The following UBE2E1 variants were observed in gnomAD, a reference collection of about 807,000 sequenced individuals.
UBE2E1 encodes the protein ubiquitin-conjugating enzyme E2 E1.
A neutral mutation model predicts 21.4 loss-of-function variants in UBE2E1; 6 were observed. The observed-to-expected ratio is 0.28, with a 90% CI of 0.15 to 0.55. The LOEUF (loss-of-function observed/expected upper bound fraction) is 0.55, where lower values mean the gene tolerates loss of function less well. Ranked by LOEUF, UBE2E1 falls within the 20% of genes least tolerant of loss-of-function variation. The pLI is 0.93. For missense variants in UBE2E1, 142 were observed against 236.5 expected (o/e 0.60, Z 2.62); for synonymous variants, 87 against 82.7 (o/e 1.05, Z -0.28).
intron 3 of UBE2E1, among the ~76,000 whole-genome samples, chr3:23,825,588 T>A (rs1699741286): frequency 6.6e-6 from 1 of 151,864 alleles, no homozygotes; most frequent in Non-Finnish European, 1.5e-5. Flanking sequence ...GCTTGGTGAG[T>A]GACTGCGCAG....
chr3:23,830,480 A>G (rs887689416), intron 3 of UBE2E1, among the ~76,000 whole-genome samples: 3 of 152,154 alleles, frequency 2.0e-5, no homozygotes, highest in African/African-American at 2.4e-5. Flanking sequence ...CCAAAAATGC[A>G]TAAAAATCTT....
chr3:23,881,487 G>A (rs1701039366), intron 3 of UBE2E1, among the ~76,000 whole-genome samples: 1 of 152,138 alleles, frequency 6.6e-6, no homozygotes, highest in Admixed American at 6.5e-5. Flanking sequence ...AAATTTCAAT[G>A]TCTTCAAACA....
chr3:23,859,207 C>A (rs763976846), intron 3 of UBE2E1, among the ~76,000 whole-genome samples: 1 of 152,174 alleles, frequency 6.6e-6, no homozygotes, highest in Non-Finnish European at 1.5e-5. Flanking sequence ...CTGCTCTGCC[C>A]GTGGAAGCTG....
chr3:23,824,235 G>T (rs1255004217), intron 3 of UBE2E1, among the ~76,000 whole-genome samples: 1 of 152,132 alleles, frequency 6.6e-6, no homozygotes, highest in East Asian at 1.9e-4. Context: ...AGATCTTGGA[G>T]CCCAGACTTA....
Position 23,810,721 on chromosome 3 carries a change from C to T in UBE2E1, c.153-739C>T, listed in dbSNP as rs1699370046. ...CCGGGAGAGGAGAGCTGGGGCGGCGCGGAGCAGCCCCCGTGCGGGCACCCT... is the reference window on the plus strand; with the variant it reads ...CCGGGAGAGGAGAGCTGGGGCGGCGTGGAGCAGCCCCCGTGCGGGCACCCT... On this transcript the variant is annotated intron_variant, in intron 2 of 5. Coordinates refer to ENST00000306627, the MANE Select transcript of UBE2E1 (RefSeq NM_003341.5). This position sits in a 1 kb window ranked among gnomAD's most constrained non-coding sequence, Gnocchi z 5.8. 13 of 455,822 alleles carry T rather than the reference C, an allele frequency of 2.9e-5. No homozygotes were observed. The South Asian group carries it at 3.9e-4, about 14-fold the overall frequency. 28.2% of individuals were successfully genotyped at this position (455,822 alleles called of 1,614,324 possible).
Position 23,823,013 on chromosome 3 carries a change from A to ATT in UBE2E1, c.203+11507_203+11508dup, listed in dbSNP as rs1699678587. Among the ~76,000 whole-genome samples the ATT allele has an allele frequency of 6.6e-6, 1 of 151,886 alleles. No individual in the cohort carries two copies. Among genetic ancestry groups the ATT allele is most frequent in the Non-Finnish European group, 1.5e-5 (1 of 67,960 alleles). On this transcript the variant is annotated intron_variant, in intron 3 of 5. Coordinates refer to ENST00000306627, the MANE Select transcript of UBE2E1 (RefSeq NM_003341.5). The surrounding 1 kb of genome is among the most constrained non-coding windows in gnomAD (Gnocchi z 4.2). ...AGGCATGTGCCACCACGCCCAGCTAATTTTTGTATTTTTAGTGGAGATGGG... is the reference window on the plus strand; with the variant it reads ...AGGCATGTGCCACCACGCCCAGCTAATTTTTTTGTATTTTTAGTGGAGATGGG...
intron 3 of UBE2E1, among the ~76,000 whole-genome samples, chr3:23,837,271 G>T (rs1699991846): frequency 1.3e-5 from 2 of 152,162 alleles, no homozygotes; most frequent in South Asian, 4.1e-4. Context: ...TAAGTAACTT[G>T]CCTGTGATCA....
intron 3 of UBE2E1, among the ~76,000 whole-genome samples, chr3:23,840,340 T>G (rs1700059734): frequency 6.6e-6 from 1 of 152,260 alleles, no homozygotes; most frequent in African/African-American, 2.4e-5. Flanking sequence ...TGATAATTTT[T>G]TGTTGGATAC....
intron 3 of UBE2E1, among the ~76,000 whole-genome samples, chr3:23,835,478 A>G: frequency 6.6e-6 from 1 of 152,142 alleles, no homozygotes. Flanking sequence ...AACAAAAACC[A>G]GAACAAAAAA....
intron 3 of UBE2E1, chr3:23,879,319 C>A: frequency 2.6e-6 from 2 of 772,800 alleles, no homozygotes; most frequent in South Asian, 2.7e-5. Context: ...GCCAAGATTA[C>A]CTTAATTTTC....
At chr3:23,857,920 G>A (rs1268492348) in intron 3 of UBE2E1, among the ~76,000 whole-genome samples, 1 of 152,118 alleles carries the variant, frequency 6.6e-6, no homozygotes, top group Non-Finnish European at 1.5e-5. Flanking sequence ...TGCGATCTCG[G>A]CTCACTGCAA....
chr3:23,854,900 G>C (rs1559485998), intron 3 of UBE2E1, among the ~76,000 whole-genome samples: 1 of 152,184 alleles, frequency 6.6e-6, no homozygotes, highest in African/African-American at 2.4e-5. Flanking sequence ...TGACAAACTT[G>C]TTGGTATTTT....
intron 3 of UBE2E1, among the ~76,000 whole-genome samples, chr3:23,813,220 A>G (rs929911896): frequency 5.3e-5 from 8 of 152,212 alleles, no homozygotes; most frequent in Non-Finnish European, 8.8e-5. Context: ...TCAAAATACT[A>G]AATTTTAAGA....
intron 3 of UBE2E1, among the ~76,000 whole-genome samples, chr3:23,875,922 G>A (rs1177954444): frequency 6.6e-6 from 1 of 152,154 alleles, no homozygotes; most frequent in African/African-American, 2.4e-5. Flanking sequence ...ACAGGCGCTC[G>A]CCACCACGCC....
chr3:23,837,728 T>A (rs1433576603), intron 3 of UBE2E1, among the ~76,000 whole-genome samples: 1 of 152,232 alleles, frequency 6.6e-6, no homozygotes, highest in Admixed American at 6.5e-5. Context: ...AGGACTAGCC[T>A]ACACCTGGTT....
In UBE2E1 at chr3:23,836,875, G is replaced by A. The variant is rs79142385; in HGVS notation, c.203+25365G>A. Among the ~76,000 whole-genome samples the A allele has an allele frequency of 0.044, 6,635 of 152,204 alleles. 171 individuals carry two copies. Among genetic ancestry groups the A allele is most frequent in the South Asian group, 0.09 (432 of 4,822 alleles). ...TATGTTCTCTTTGTGCTAGATGGTGGCATCACTCATGATGAAGAAGATAAA... is the reference window on the plus strand; with the variant it reads ...TATGTTCTCTTTGTGCTAGATGGTGACATCACTCATGATGAAGAAGATAAA... On this transcript the variant is annotated intron_variant, in intron 3 of 5. Coordinates refer to ENST00000306627, the MANE Select transcript of UBE2E1 (RefSeq NM_003341.5). This position sits in a 1 kb window ranked among gnomAD's most constrained non-coding sequence, Gnocchi z 4.1.
chr3:23,880,346 G>A (rs1245758167), intron 3 of UBE2E1, among the ~76,000 whole-genome samples: 1 of 61,208 alleles, frequency 1.6e-5, no homozygotes. Context: ...TGGCACCACT[G>A]CACTCTAGCC....
At chr3:23,825,493 A>G (rs982187097) in intron 3 of UBE2E1, among the ~76,000 whole-genome samples, 2 of 152,232 alleles carry the variant, frequency 1.3e-5, no homozygotes, top group Admixed American at 6.5e-5. Flanking sequence ...GATTTTATTC[A>G]TATAGAGGGA....
In UBE2E1 at chr3:23,817,196, A is replaced by G. The variant is rs143587711; in HGVS notation, c.203+5686A>G. Among the ~76,000 whole-genome samples the G allele has an allele frequency of 3.6e-3, 543 of 152,286 alleles. 11 individuals carry two copies. The East Asian group carries it at 0.044, about 12-fold the overall frequency. Reference sequence around the variant, plus strand: ...GGTGGCTCACGCCTGTAATCCCAGCACTTTGGGAGGCCAAGGCGGGTAGAT... The same window carrying G: ...GGTGGCTCACGCCTGTAATCCCAGCGCTTTGGGAGGCCAAGGCGGGTAGAT... On this transcript the variant is annotated intron_variant, in intron 3 of 5. Transcript: ENST00000306627.
Sources: gnomAD v4.1 joint callset for allele counts (sites outside exome capture counted in the v4.1 genomes callset) on GRCh38, gnomAD v4.1.1 for gene constraint, Gnocchi (gnomAD v3.1) non-coding constraint, MANE v1.5 for transcripts, NCBI Gene and HGNC (gene_info 2026-07-23, HGNC 2026-07-21) for gene names.